Variants in EIF4E observed in about 807,000 individuals in gnomAD.
EIF4E encodes eIF-4F 25 kDa subunit.
For synonymous variants in EIF4E, 71 were observed against 88.5 expected, an observed-to-expected ratio of 0.80 and a Z score of 1.11; for missense variants, 113 against 265.6, an observed-to-expected ratio of 0.43 and a Z score of 3.99.
At chr4:98,919,864 T>G (rs1053198316) in intron 1 of EIF4E, among the ~76,000 whole-genome samples, 4 of 152,100 alleles carry the variant, frequency 2.6e-5, no homozygotes, top group Non-Finnish European at 1.5e-5. Flanking sequence ...CGGCCAGAAT[T>G]TCTAGCTTCT....
intron 2 of EIF4E, among the ~76,000 whole-genome samples, chr4:98,894,066 GA>G (rs1245619393): frequency 6.6e-6 from 1 of 152,328 alleles, no homozygotes; most frequent in Middle Eastern, 3.4e-3. Context: ...ATTTTGAAAG[GA>G]AACTTTTTTT....
At chr4:98,886,894 G>A in intron 5 of EIF4E, 185 bp downstream of exon 5, 1 of 582,994 alleles carries the variant, frequency 1.7e-6, no homozygotes, top group South Asian at 1.9e-5. Flanking sequence ...CTTATAATGT[G>A]GTAGGATGTT....
At chr4:98,928,946 T>C (rs1721353157) in intron 1 of EIF4E, 149 bp downstream of exon 1, 2 of 1,577,862 alleles carry the variant, frequency 1.3e-6, no homozygotes, top group Non-Finnish European at 1.7e-6. Flanking sequence ...ACGTCCCCAC[T>C]TGTCCGCGGG....
intron 5 of EIF4E, chr4:98,886,316 C>T: frequency 3.5e-6 from 1 of 282,442 alleles, no homozygotes; most frequent in Non-Finnish European, 7.2e-6. Flanking sequence ...TGCTTATTAT[C>T]TCATATTTAA....
intron 2 of EIF4E, chr4:98,895,606 T>C (rs987056778): frequency 6.6e-6 from 1 of 152,174 alleles, no homozygotes; most frequent in Non-Finnish European, 1.5e-5. Flanking sequence ...TACTTGATAA[T>C]TTGTCAGCAA....
At chr4:98,927,149 T>C (rs900577584) in intron 1 of EIF4E, among the ~76,000 whole-genome samples, 3 of 152,212 alleles carry the variant, frequency 2.0e-5, no homozygotes, top group Non-Finnish European at 4.4e-5. Flanking sequence ...GTAATATTAA[T>C]GTCCTAAAGT....
chr4:98,892,572 C>T (rs1489097948), intron 2 of EIF4E, among the ~76,000 whole-genome samples: 2 of 150,804 alleles, frequency 1.3e-5, no homozygotes, highest in Non-Finnish European at 2.9e-5. Context: ...ATTACAGCTA[C>T]TCGGGAAGCT....
intron 1 of EIF4E, among the ~76,000 whole-genome samples, chr4:98,913,315 T>C (rs929206266): frequency 2.6e-5 from 4 of 152,178 alleles, no homozygotes; most frequent in Admixed American, 1.3e-4. Flanking sequence ...CAACTTCTTA[T>C]CCAACAAATT....
chr4:98,882,442 G>A (rs2110173446), intron 6 of EIF4E, among the ~76,000 whole-genome samples: 1 of 147,828 alleles, frequency 6.8e-6, no homozygotes, highest in Non-Finnish European at 1.5e-5. Flanking sequence ...GAAAAAAATA[G>A]TAAAAATTCA....
intron 1 of EIF4E, among the ~76,000 whole-genome samples, chr4:98,916,518 T>G (rs1210239678): frequency 6.6e-6 from 1 of 152,016 alleles, no homozygotes; most frequent in Non-Finnish European, 1.5e-5. Context: ...AAATGCCCAA[T>G]GAGTACACAG....
chr4:98,912,507 C>T (rs1725196270), intron 1 of EIF4E, among the ~76,000 whole-genome samples: 1 of 150,198 alleles, frequency 6.7e-6, no homozygotes. Context: ...ACCAGGGAAT[C>T]AGAGATTGCA....
chr4:98,908,290 GA>G (rs1159039785), intron 1 of EIF4E, among the ~76,000 whole-genome samples: 44 of 152,156 alleles, frequency 2.9e-4, no homozygotes, highest in African/African-American at 1.0e-3. Flanking sequence ...AAATAATTCT[GA>G]TACCAACACT....
chr4:98,901,100 T>C (rs912623321), intron 2 of EIF4E, among the ~76,000 whole-genome samples: 1 of 152,254 alleles, frequency 6.6e-6, no homozygotes, highest in Non-Finnish European at 1.5e-5. Flanking sequence ...CCAATGGATA[T>C]TTTGACATCT....
Position 98,887,792 on chromosome 4 carries a change from C to T in EIF4E, c.285+97G>A. 1 of 1,048,152 alleles carries T rather than the reference C, an allele frequency of 9.5e-7. No individual in the cohort carries two copies. The allele number at this position is 1,048,152 out of a possible 1,614,324, so 64.9% of individuals were successfully genotyped here. A position where few individuals can be genotyped will look rare whatever the true frequency, so the allele number is the denominator to read the frequency against. On this transcript the variant is annotated intron_variant, in intron 4 of 6. Transcript: ENST00000450253. The surrounding 1 kb of genome is among the most constrained non-coding windows in gnomAD (Gnocchi z 4.0). ...AATTAAATTATCAGCCTATTCATCA[C>T]ACTATCAAATATTCCTAAGTTTATG... is the stretch of plus-strand genomic sequence containing the variant.
intron 1 of EIF4E, among the ~76,000 whole-genome samples, chr4:98,902,375 A>T (rs1560643895): frequency 6.6e-6 from 1 of 152,124 alleles, no homozygotes; most frequent in Non-Finnish European, 1.5e-5. Context: ...CGGCACTAGT[A>T]GTATTTTTTA....
chr4:98,891,169 C>A, intron 3 of EIF4E, 68 bp downstream of exon 3: 1 of 1,535,536 alleles, frequency 6.5e-7, no homozygotes, highest in South Asian at 1.2e-5. Flanking sequence ...TTTGTGAATT[C>A]GACTTAAAAA....
intron 1 of EIF4E, among the ~76,000 whole-genome samples, chr4:98,903,275 C>T (rs116024216): frequency 0.023 from 3,534 of 151,204 alleles, 121 homozygotes; most frequent in African/African-American, 0.081. Context: ...TCTATGTTAA[C>T]ATAACAAGAT....
intron 1 of EIF4E, chr4:98,903,550 G>C (rs2110201146): frequency 2.2e-6 from 1 of 445,824 alleles, no homozygotes; most frequent in Middle Eastern, 4.3e-4. Context: ...CACCATGTTG[G>C]CCAGGCTGGT....
chr4:98,889,372 A>C (rs748838831), intron 3 of EIF4E, among the ~76,000 whole-genome samples: 1 of 152,170 alleles, frequency 6.6e-6, no homozygotes, highest in African/African-American at 2.4e-5. Context: ...TAGCGCTACT[A>C]ATGTCATAAA....
Sources: gnomAD v4.1 joint callset for allele counts (sites outside exome capture counted in the v4.1 genomes callset) on GRCh38, gnomAD v4.1.1 for gene constraint, Gnocchi (gnomAD v3.1) non-coding constraint, MANE v1.5 for transcripts, NCBI Gene and HGNC (gene_info 2026-07-23, HGNC 2026-07-21) for gene names.